Variants in XG observed in about 807,000 individuals in gnomAD.
XG encodes Xg glycoprotein (Xg blood group).
XG carries 24 observed loss-of-function variants against 25.7 expected under a neutral mutation model. The ratio of observed to expected loss-of-function variants is 0.93; its 90% CI spans 0.68 to 1.31. The LOEUF (loss-of-function observed/expected upper bound fraction) is 1.31. Ranked by LOEUF, XG falls within the 40% of genes most tolerant of loss-of-function variation. XG has a pLI of 0.00. For missense variants in XG, 181 were observed against 187.6 expected, an observed-to-expected ratio of 0.96 and a Z score of 0.21; for synonymous variants, 77 against 69.2, an observed-to-expected ratio of 1.11 and a Z score of -0.56.
chrX:2,798,463 C>T lies in XG; in HGVS notation c.373+1103C>T, dbSNP rs755096647. 6.5e-5 allele frequency among the ~76,000 whole-genome samples: 7 copies of T among 107,417 alleles called. No individual in the cohort carries two copies. The South Asian group carries it at 2.2e-3, about 33-fold the overall frequency. The allele number at this position is 107,417 out of a possible 115,157, so 93.3% of individuals were successfully genotyped here. ...TCTGCTCACTGCAACCTTGGCCTCC[C>T]GGGTTCAAGTGATTCTCCTGCCTCA... On this transcript the variant is annotated intron_variant, in intron 7 of 10. Transcript: ENST00000644266.
intron 3 of XG, 96 bp from the exon 4 acceptor site, chrX:2,781,970 A>G (rs1467533731): frequency 2.2e-6 from 2 of 891,237 alleles, no homozygotes; most frequent in Non-Finnish European, 3.3e-6. Context: ...ACAAACTGCA[A>G]GGTCGATAGT....
intron 1 of XG, among the ~76,000 whole-genome samples, chrX:2,758,049 G>A (rs748641612): frequency 2.0e-5 from 3 of 150,380 alleles, no homozygotes; most frequent in South Asian, 4.2e-4. Context: ...CCACGCCAGC[G>A]TACAGAACCC....
chrX:2,773,554 GGAAGGAAGGAGAGAA>G (rs2050888799), intron 2 of XG, among the ~76,000 whole-genome samples: 3 of 113,464 alleles, frequency 2.6e-5, no homozygotes, highest in African/African-American at 1.0e-4. Context: ...AAGGAGAGAA[GGAAGGAAGGAGAGAA>G]GGAAGGAAGG....
At chrX:2,770,818 A>C (rs913844649) in intron 2 of XG, among the ~76,000 whole-genome samples, 3 of 152,104 alleles carry the variant, frequency 2.0e-5, no homozygotes, top group African/African-American at 7.2e-5. Context: ...CCTGTGGTTT[A>C]GGAATATGCT....
chrX:2,795,308 A>G (rs1003838802), intron 6 of XG, among the ~76,000 whole-genome samples: 2 of 107,640 alleles, frequency 1.9e-5, no homozygotes, highest in African/African-American at 6.6e-5. Flanking sequence ...ATACATATAC[A>G]TTTTATATAC....
chrX:2,766,116 G>T (rs941169320), intron 1 of XG, among the ~76,000 whole-genome samples: 4 of 152,144 alleles, frequency 2.6e-5, no homozygotes, highest in African/African-American at 4.8e-5. Context: ...AGCCAGGCCT[G>T]TGTGTCTAGA....
At chrX:2,758,235 G>A (rs1348078183) in intron 1 of XG, among the ~76,000 whole-genome samples, 2 of 152,130 alleles carry the variant, frequency 1.3e-5, no homozygotes, top group Non-Finnish European at 2.9e-5. Flanking sequence ...GGAGCGTGTA[G>A]CCATTTCGTG....
chrX:2,781,387 G>A (rs1429491432), intron 3 of XG, among the ~76,000 whole-genome samples: 6 of 151,192 alleles, frequency 4.0e-5, no homozygotes, highest in Non-Finnish European at 7.4e-5. Flanking sequence ...TAATCACCCC[G>A]GCACCTGGAC....
Position 2,789,627 on chromosome X carries a change from C to T in XG, c.191-17C>T. The T allele has an allele frequency of 1.8e-6, 2 of 1,131,267 alleles. No individual in the cohort carries two copies. The highest frequency in any genetic ancestry group is 2.4e-6 in the Non-Finnish European group (2 of 844,049). 93.2% of individuals were successfully genotyped at this position (1,131,267 alleles called of 1,213,427 possible). A position where few individuals can be genotyped will look rare whatever the true frequency, so the allele number is the denominator to read the frequency against. On this transcript the variant is annotated splice_polypyrimidine_tract_variant and intron_variant, in intron 4 of 10. Coordinates refer to ENST00000644266, the MANE Select transcript of XG (RefSeq NM_001141919.2). The stretch of plus-strand genomic sequence containing the variant: ...ATGTCATTATTTTTCTGAAATCATA[C>T]TGTTGTTTTCCAACAGATATCTACC...
intron 9 of XG, among the ~76,000 whole-genome samples, chrX:2,811,034 C>A (rs1261107143): frequency 1.8e-5 from 2 of 111,474 alleles, no homozygotes; most frequent in African/African-American, 6.5e-5. Flanking sequence ...AAATCCTGGC[C>A]TTGGATGTCT....
At chrX:2,775,665 G>T (rs776248113) in intron 3 of XG, among the ~76,000 whole-genome samples, 1 of 152,156 alleles carries the variant, frequency 6.6e-6, no homozygotes, top group East Asian at 1.9e-4. Flanking sequence ...AATTAAAAAG[G>T]TAACCTTTGG....
At chrX:2,779,322 T>TGA (rs2051069249) in intron 3 of XG, among the ~76,000 whole-genome samples, 1 of 114,242 alleles carries the variant, frequency 8.8e-6, no homozygotes, top group Admixed American at 9.4e-5. Flanking sequence ...GGCTACAGAG[T>TGA]GAGAGTATAA....
At chrX:2,755,478 C>T (rs1036743478) in intron 1 of XG, among the ~76,000 whole-genome samples, 26 of 152,260 alleles carry the variant, frequency 1.7e-4, no homozygotes, top group African/African-American at 5.8e-4. Context: ...TCTTTACTAC[C>T]ACCTGTTTTA....
intron 4 of XG, 108 bp from the exon 5 acceptor site, chrX:2,789,536 G>A (rs1206619263): frequency 1.1e-5 from 5 of 449,508 alleles, no homozygotes; most frequent in Middle Eastern, 3.6e-4. Context: ...CTCCGTAAAA[G>A]CAATGGGCAG....
In XG at chrX:2,766,899, A is replaced by G. The variant is rs751424404; in HGVS notation, c.62-3651A>G. Among the ~76,000 whole-genome samples the G allele has an allele frequency of 9.0e-4, 137 of 152,162 alleles. 1 individual carries two copies. Among genetic ancestry groups the G allele is most frequent in the Non-Finnish European group, 1.5e-3 (102 of 68,000 alleles). The stretch of plus-strand genomic sequence containing the variant: ...CTTTATACAGATAGGATAGAGGGAA[A>G]GTTAGATTCCTGTTTTTAGGTTTTA... On this transcript the variant is annotated intron_variant, in intron 1 of 10. Transcript: ENST00000644266.
chrX:2,797,355 C>T lies in XG; in HGVS notation c.368C>T (p.Thr123Met), dbSNP rs753335679. 8 of 1,209,436 alleles carry T rather than the reference C, an allele frequency of 6.6e-6. No individual in the cohort carries two copies. The highest frequency in any genetic ancestry group is 8.9e-6 in the Non-Finnish European group (8 of 894,547). ...TCCAGTTATGGCAACTCCGACAACA[C>T]GCACGGTACCCCTACATCTGGGCAT... ...GYSSYGNSDNTHGRGGYRLNS... is the reference protein window; with the variant it reads ...GYSSYGNSDNMHGRGGYRLNS... The change falls in exon 7 of 11, where the codon ACG becomes ATG. Residue 123 changes from threonine to methionine, a missense_variant. Thr to Met is a moderately conservative substitution (Grantham distance 81). Coordinates refer to ENST00000644266, the MANE Select transcript of XG (RefSeq NM_001141919.2).
At chrX:2,792,054 G>C (rs1020177104) in intron 5 of XG, among the ~76,000 whole-genome samples, 1 of 110,971 alleles carries the variant, frequency 9.0e-6, no homozygotes, top group African/African-American at 3.3e-5. Context: ...AGGCCGAAGT[G>C]GGAAGACCAC....
intron 7 of XG, among the ~76,000 whole-genome samples, chrX:2,798,369 C>CTTT (rs748928232): frequency 3.6e-5 from 3 of 83,841 alleles, no homozygotes; most frequent in African/African-American, 4.7e-5. Flanking sequence ...ACCATCTTTT[C>CTTT]TTTTTTTTTT....
At chrX:2,766,557 CTTTTTTTTTTT>C (rs1177391752) in intron 1 of XG, among the ~76,000 whole-genome samples, 27 of 90,176 alleles carry the variant, frequency 3.0e-4, no homozygotes, top group African/African-American at 1.2e-3. Context: ...CTTATGGCCA[CTTTTTTTTTTT>C]TTTTTTTTTT....
Sources: allele counts gnomAD v4.1 joint callset (sites outside exome capture counted in the v4.1 genomes callset), GRCh38; gene constraint gnomAD v4.1.1; transcripts MANE v1.5; gene names NCBI Gene and HGNC (gene_info 2026-07-23, HGNC 2026-07-21).